BCAR3: variants seen among roughly 807,000 people sequenced by gnomAD.
BCAR3 encodes the protein breast cancer anti-estrogen resistance protein 3.
Under a neutral mutation model 80.1 loss-of-function variants are expected in BCAR3, and 37 were observed. The observed-to-expected ratio is 0.46, with a 90% confidence interval of 0.36 to 0.61. The LOEUF (loss-of-function observed/expected upper bound fraction) is 0.61, where lower values mean the gene tolerates loss of function less well. Ranked by LOEUF, BCAR3 falls within the 20% of genes least tolerant of loss-of-function variation. The probability of loss-of-function intolerance (pLI) is 0.00; values close to 1 mark genes in which losing one functional copy is unlikely to be tolerated. For synonymous variants in BCAR3, 389 were observed against 418.9 expected (o/e 0.93, Z 0.87); for missense variants, 978 against 1,068.2 (o/e 0.92, Z 1.18).
chr1:93,591,111 A>G (rs1674157389), intron 4 of BCAR3, among the ~76,000 whole-genome samples: 1 of 151,556 alleles, frequency 6.6e-6, no homozygotes, highest in African/African-American at 2.4e-5. Context: ...TTAAACTTAA[A>G]AAAACAAAGT....
At chr1:93,680,172 T>C (rs552149608) in intron 1 of BCAR3, among the ~76,000 whole-genome samples, 1 of 152,358 alleles carries the variant, frequency 6.6e-6, no homozygotes, top group South Asian at 2.1e-4. Flanking sequence ...CCTCCATGGA[T>C]TGTATTTCAA....
intron 1 of BCAR3, among the ~76,000 whole-genome samples, chr1:93,677,597 G>A (rs562163322): frequency 6.6e-6 from 1 of 152,294 alleles, no homozygotes; most frequent in East Asian, 1.9e-4. Context: ...GGCAGCAGCT[G>A]GGTAAAGGGA....
chr1:93,742,728 C>A (rs1651219999), intron 2 of BCAR3, among the ~76,000 whole-genome samples: 1 of 152,200 alleles, frequency 6.6e-6, no homozygotes. Flanking sequence ...ACTGACAAGA[C>A]CTTCCTAGGT....
chr1:93,800,278 T>TA (rs1653430293), intron 2 of BCAR3, among the ~76,000 whole-genome samples: 1 of 152,092 alleles, frequency 6.6e-6, no homozygotes, highest in South Asian at 2.1e-4. Flanking sequence ...TTTGGCTTAA[T>TA]AAAGCATCAA....
intron 2 of BCAR3, among the ~76,000 whole-genome samples, chr1:93,731,102 A>G (rs1650771619): frequency 6.6e-6 from 1 of 152,246 alleles, no homozygotes; most frequent in African/African-American, 2.4e-5. Flanking sequence ...CTGACCAGTA[A>G]GTACTCTTCA....
At chr1:93,708,763 C>T (rs1649912140) in intron 2 of BCAR3, among the ~76,000 whole-genome samples, 1 of 152,220 alleles carries the variant, frequency 6.6e-6, no homozygotes, top group African/African-American at 2.4e-5. Flanking sequence ...CCCCCAAACA[C>T]CTGAATTGGC....
At chr1:93,837,241 A>AAAT (rs1654804458) in intron 2 of BCAR3, among the ~76,000 whole-genome samples, 2 of 152,078 alleles carry the variant, frequency 1.3e-5, no homozygotes, top group Admixed American at 6.6e-5. Context: ...TAAAAATAAA[A>AAAT]AAATAAATAA....
chr1:93,807,488 T>C (rs902349336), intron 2 of BCAR3, among the ~76,000 whole-genome samples: 3 of 152,148 alleles, frequency 2.0e-5, no homozygotes, highest in African/African-American at 7.2e-5. Flanking sequence ...AAAAGTTCCT[T>C]TGAGCTCTGC....
chr1:93,833,703 G>A (rs1308606958), intron 2 of BCAR3, among the ~76,000 whole-genome samples: 1 of 151,988 alleles, frequency 6.6e-6, no homozygotes, highest in Non-Finnish European at 1.5e-5. Context: ...AGACTTCATG[G>A]TTATCTCCCT....
chr1:93,733,987 G>A (rs139035154), intron 2 of BCAR3, among the ~76,000 whole-genome samples: 2 of 152,316 alleles, frequency 1.3e-5, no homozygotes, highest in African/African-American at 4.8e-5. Context: ...GATTTCTATA[G>A]GGAGAACTGG....
At chr1:93,752,637 G>T (rs951274925) in intron 2 of BCAR3, among the ~76,000 whole-genome samples, 1 of 152,216 alleles carries the variant, frequency 6.6e-6, no homozygotes, top group African/African-American at 2.4e-5. Flanking sequence ...GCATTTGGAC[G>T]CACTTTCTTT....
intron 1 of BCAR3, among the ~76,000 whole-genome samples, chr1:93,677,431 G>C (rs968819491): frequency 6.6e-6 from 1 of 152,162 alleles, no homozygotes; most frequent in Non-Finnish European, 1.5e-5. Flanking sequence ...GACTTGACTG[G>C]AAGTGCTAGG....
intron 2 of BCAR3, among the ~76,000 whole-genome samples, chr1:93,773,439 C>T (rs1032279181): frequency 1.3e-5 from 2 of 152,202 alleles, no homozygotes; most frequent in African/African-American, 4.8e-5. Context: ...CACCCCTGTG[C>T]AGGTGGGAAG....
intron 2 of BCAR3, among the ~76,000 whole-genome samples, chr1:93,739,737 A>G (rs1349637211): frequency 6.6e-6 from 1 of 152,176 alleles, no homozygotes; most frequent in Non-Finnish European, 1.5e-5. Context: ...AGTACAGTAC[A>G]TGGAAGAAAA....
chr1:93,579,934 G>C (rs979712708), intron 7 of BCAR3, among the ~76,000 whole-genome samples: 1 of 152,244 alleles, frequency 6.6e-6, no homozygotes. Flanking sequence ...TTTAAAGTGA[G>C]GTCCGGATAA....
upstream of BCAR3, among the ~76,000 whole-genome samples, chr1:93,685,604 G>A (rs887434071): frequency 2.6e-5 from 4 of 152,164 alleles, no homozygotes; most frequent in South Asian, 8.3e-4. Context: ...AAACCATATG[G>A]CAATAAATAA....
At chr1:93,822,328 C>A (rs1208417550) in intron 2 of BCAR3, among the ~76,000 whole-genome samples, 3 of 149,260 alleles carry the variant, frequency 2.0e-5, no homozygotes, top group African/African-American at 7.7e-5. Flanking sequence ...CTCAGCTCAC[C>A]ATCTCGCATG....
chr1:93,623,499 C>T (rs1361412999), intron 3 of BCAR3, among the ~76,000 whole-genome samples: 1 of 152,116 alleles, frequency 6.6e-6, no homozygotes, highest in Non-Finnish European at 1.5e-5. Flanking sequence ...AGAGAGACAT[C>T]CCCTTTTCCC....
At chr1:93,710,921 T>C (rs1293719150) in intron 2 of BCAR3, among the ~76,000 whole-genome samples, 2 of 152,250 alleles carry the variant, frequency 1.3e-5, no homozygotes, top group Non-Finnish European at 1.5e-5. Flanking sequence ...GCCTGGGCTT[T>C]GGTCATCTGG....
Sources: gnomAD v4.1 joint callset for allele counts (sites outside exome capture counted in the v4.1 genomes callset) on GRCh38, gnomAD v4.1.1 for gene constraint, MANE v1.5 for transcripts, NCBI Gene and HGNC (gene_info 2026-07-23, HGNC 2026-07-21) for gene names.